The following GRM7 variants were observed in gnomAD, a reference collection of about 807,000 sequenced individuals.
GRM7 encodes glutamate metabotropic receptor 7.
In GRM7, 35 loss-of-function variants were observed where a neutral mutation model predicts 84.5. That is an observed-to-expected ratio of 0.41 (90% CI 0.32 to 0.55). The LOEUF (loss-of-function observed/expected upper bound fraction) is 0.55, where lower values mean the gene tolerates loss of function less well. Among genes scored for constraint, GRM7 ranks in the 20% least tolerant of loss-of-function variants. The pLI is 0.19. For synonymous variants in GRM7, 487 were observed against 455.1 expected, an observed-to-expected ratio of 1.07 and a Z score of -0.89; for missense variants, 1,003 against 1,194.6, an observed-to-expected ratio of 0.84 and a Z score of 2.36.
intron 7 of GRM7, among the ~76,000 whole-genome samples, chr3:7,566,851 AG>A (rs1694304803): frequency 6.6e-6 from 1 of 152,160 alleles, no homozygotes; most frequent in African/African-American, 2.4e-5. Context: ...TGTTTTACTT[AG>A]GGGTATAGAA....
chr3:7,678,103 A>C (rs162806), intron 8 of GRM7, among the ~76,000 whole-genome samples: 103,093 of 151,886 alleles, frequency 0.68, 36,318 homozygotes, highest in East Asian at 0.92. Flanking sequence ...GGTTGAAAAA[A>C]TAAATATTAG....
intron 7 of GRM7, among the ~76,000 whole-genome samples, chr3:7,484,004 C>A (rs1699230400): frequency 6.6e-6 from 1 of 152,012 alleles, no homozygotes; most frequent in Admixed American, 6.6e-5. Context: ...GAATATGCTT[C>A]TGTTAAAAAA....
intron 1 of GRM7, among the ~76,000 whole-genome samples, chr3:7,113,029 T>C (rs1386163330): frequency 5.9e-5 from 9 of 152,104 alleles, no homozygotes; most frequent in Admixed American, 1.3e-4. Flanking sequence ...GTAGGAAAAG[T>C]AATGAAACAT....
chr3:7,300,027 TA>T (rs1699943728), intron 3 of GRM7, among the ~76,000 whole-genome samples: 2 of 151,852 alleles, frequency 1.3e-5, no homozygotes, highest in African/African-American at 4.8e-5. Flanking sequence ...AAATTCCTAT[TA>T]AAAAATTTCT....
chr3:7,343,414 A>G (rs746412586), intron 4 of GRM7, among the ~76,000 whole-genome samples: 2 of 151,944 alleles, frequency 1.3e-5, no homozygotes, highest in Non-Finnish European at 2.9e-5. Context: ...GGGTCTCACT[A>G]TGTTGCCCAG....
In GRM7 at chr3:7,359,728, GTAT is replaced by G. The variant is rs140367217; in HGVS notation, c.1033+53081_1033+53083del. ...GATCCAGTGTTTTAAAGTTTACTCT[GTAT>G]TATTGTAAATGAGTATAGCACATGG... On this transcript the variant is annotated intron_variant, in intron 4 of 9. Transcript: ENST00000357716. Among the ~76,000 whole-genome samples, 1,013 of 148,406 alleles carry G rather than the reference GTAT, an allele frequency of 6.8e-3. 118 individuals carry two copies. The highest frequency in any genetic ancestry group is 0.024 in the African/African-American group (957 of 39,204).
intron 1 of GRM7, among the ~76,000 whole-genome samples, chr3:7,112,702 A>G (rs1476911080): frequency 2.0e-5 from 3 of 152,144 alleles, no homozygotes; most frequent in African/African-American, 7.2e-5. Flanking sequence ...CATCACTTCA[A>G]TTAAGCCATG....
intron 8 of GRM7, among the ~76,000 whole-genome samples, chr3:7,587,975 G>A (rs576493233): frequency 6.6e-6 from 1 of 152,156 alleles, no homozygotes; most frequent in African/African-American, 2.4e-5. Context: ...TCTCTGCTTC[G>A]TGGGATGTTT....
At chr3:7,335,754 A>G (rs1701393152) in intron 4 of GRM7, among the ~76,000 whole-genome samples, 1 of 152,156 alleles carries the variant, frequency 6.6e-6, no homozygotes, top group South Asian at 2.1e-4. Flanking sequence ...AATACTAAAG[A>G]TCATTCAAGG....
At chr3:7,315,965 A>G (rs1481332181) in intron 4 of GRM7, among the ~76,000 whole-genome samples, 1 of 152,160 alleles carries the variant, frequency 6.6e-6, no homozygotes, top group Non-Finnish European at 1.5e-5. Context: ...GGAAATCATC[A>G]GTGGTCAGGG....
At chr3:7,637,853 A>G (rs1698172497) in intron 8 of GRM7, among the ~76,000 whole-genome samples, 1 of 152,202 alleles carries the variant, frequency 6.6e-6, no homozygotes, top group Admixed American at 6.5e-5. Context: ...CTCCCACAGG[A>G]GCCTCTTCGG....
At chr3:7,577,608 TG>T in intron 7 of GRM7, among the ~76,000 whole-genome samples, 1 of 152,230 alleles carries the variant, frequency 6.6e-6, no homozygotes, top group East Asian at 1.9e-4. Flanking sequence ...AGAACACTGC[TG>T]GGTATGTTCC....
intron 1 of GRM7, among the ~76,000 whole-genome samples, chr3:7,134,157 C>T (rs767301269): frequency 2.6e-5 from 4 of 152,028 alleles, no homozygotes; most frequent in South Asian, 2.1e-4. Context: ...GTCTTGGGAT[C>T]GTAAGATTAG....
At chr3:7,460,089 C>A (rs1698178932) in intron 6 of GRM7, among the ~76,000 whole-genome samples, 1 of 69,682 alleles carries the variant, frequency 1.4e-5, no homozygotes, top group Admixed American at 2.3e-4. Context: ...GAAAAGTATG[C>A]TTAAAATAGT....
At chr3:7,639,684 T>C (rs994850970) in intron 8 of GRM7, among the ~76,000 whole-genome samples, 1 of 152,156 alleles carries the variant, frequency 6.6e-6, no homozygotes, top group Non-Finnish European at 1.5e-5. Flanking sequence ...GAAAAATACA[T>C]GTAATATATG....
chr3:7,649,220 CT>C lies in GRM7; in HGVS notation c.2452-30828del, dbSNP rs571699692. Among the ~76,000 whole-genome samples the C allele has an allele frequency of 9.4e-4, 143 of 152,174 alleles. 2 individuals are homozygous for C. The South Asian group carries it at 0.027, about 29-fold the overall frequency. On this transcript the variant is annotated intron_variant, in intron 8 of 9. Coordinates refer to ENST00000357716, the MANE Select transcript of GRM7 (RefSeq NM_000844.4). ...GAGTAGCTGGGACTACAGGCACCCA[CT>C]ACCACGCCCGGCTAATTTTATGTAT...
chr3:7,114,939 C>G (rs1232349415), intron 1 of GRM7, among the ~76,000 whole-genome samples: 12 of 152,142 alleles, frequency 7.9e-5, no homozygotes, highest in Non-Finnish European at 2.9e-5. Context: ...TCACCCCTTG[C>G]TCCTCTGCAA....
chr3:7,412,623 C>T (rs1221056861), intron 4 of GRM7, among the ~76,000 whole-genome samples: 1 of 152,100 alleles, frequency 6.6e-6, no homozygotes, highest in East Asian at 1.9e-4. Flanking sequence ...CAGCTAAAGT[C>T]CATTTCATTT....
chr3:7,369,011 C>T (rs1694025303), intron 4 of GRM7, among the ~76,000 whole-genome samples: 1 of 151,816 alleles, frequency 6.6e-6, no homozygotes, highest in Non-Finnish European at 1.5e-5. Flanking sequence ...GTTGTTGTTG[C>T]TGTCACACTG....
Sources: gnomAD v4.1 joint callset for allele counts (sites outside exome capture counted in the v4.1 genomes callset) on GRCh38, gnomAD v4.1.1 for gene constraint, MANE v1.5 for transcripts, NCBI Gene and HGNC (gene_info 2026-07-23, HGNC 2026-07-21) for gene names.